ROBO2: variants seen among roughly 807,000 people sequenced by gnomAD.
ROBO2 encodes roundabout homolog 2.
A neutral mutation model predicts 160.8 loss-of-function variants in ROBO2; 53 were observed. The observed-to-expected ratio is 0.33, with a 90% CI of 0.26 to 0.41. The LOEUF (loss-of-function observed/expected upper bound fraction) is 0.41, where lower values mean the gene tolerates loss of function less well. Ranked by LOEUF, ROBO2 falls within the 10% of genes least tolerant of loss-of-function variation. The pLI is 1.00. For synonymous variants in ROBO2, 664 were observed against 611.7 expected (o/e 1.09, Z -1.26); for missense variants, 1,577 against 1,722.4 (o/e 0.92, Z 1.49).
chr3:77,164,674 C>T (rs1354592111), intron 2 of ROBO2, among the ~76,000 whole-genome samples: 1 of 116,720 alleles, frequency 8.6e-6, no homozygotes, highest in Admixed American at 8.3e-5. Context: ...GGGGGTCAGC[C>T]CCCCGCCTGG....
chr3:77,257,639 C>G (rs2058508059), intron 2 of ROBO2, among the ~76,000 whole-genome samples: 1 of 152,084 alleles, frequency 6.6e-6, no homozygotes, highest in Admixed American at 6.6e-5. Flanking sequence ...CAGTGAAAAA[C>G]CCTTTGCACA....
chr3:77,016,137 T>C (rs1020680029), intron 2 of ROBO2, among the ~76,000 whole-genome samples: 5 of 151,786 alleles, frequency 3.3e-5, no homozygotes, highest in Non-Finnish European at 7.4e-5. Context: ...CCACCACGCC[T>C]GGCTAATTTT....
intron 1 of ROBO2, among the ~76,000 whole-genome samples, chr3:77,089,240 A>G (rs1026975925): frequency 1.3e-5 from 2 of 152,200 alleles, no homozygotes; most frequent in Non-Finnish European, 2.9e-5. Context: ...TAAGACAAGT[A>G]TATCCTTCTA....
intron 2 of ROBO2, among the ~76,000 whole-genome samples, chr3:77,424,603 A>G (rs1451284279): frequency 6.6e-6 from 1 of 152,200 alleles, no homozygotes; most frequent in Non-Finnish European, 1.5e-5. Context: ...ATATATTTCT[A>G]ATTTACTGAA....
chr3:77,142,966 C>T lies in ROBO2; in HGVS notation c.388+44626C>T, dbSNP rs552266592. On this transcript the variant is annotated intron_variant, in intron 2 of 25. Transcript: ENST00000461745. ...TGGCACTCAGCAGTCACTCTGTCAA[C>T]GGAAAACAAAATGAATAAGGCCGGG... Among the ~76,000 whole-genome samples the T allele has an allele frequency of 2.4e-3, 358 of 151,860 alleles. 2 individuals carry two copies. Among genetic ancestry groups the T allele is most frequent in the African/African-American group, 7.3e-3 (302 of 41,256 alleles).
In ROBO2 at chr3:76,834,175, C is replaced by CTTTCTTTCTT. The variant is rs1559575742; in HGVS notation, c.110-263838_110-263837insTTCTTTCTTT. 7.6e-5 allele frequency among the ~76,000 whole-genome samples: 7 copies of CTTTCTTTCTT among 92,164 alleles called. No homozygotes were observed. The East Asian group carries it at 2.1e-3, about 28-fold the overall frequency. 60.5% of individuals were successfully genotyped at this position (92,164 alleles called of 152,430 possible). The stretch of plus-strand genomic sequence containing the variant: ...TCTTTCTCTCTCTTTCTTTCTTTCT[C>CTTTCTTTCTT]TCTCTCTCTCTCTCTTTCTTTCTTT... On this transcript the variant is annotated intron_variant, in intron 2 of 26. Coordinates refer to the ROBO2 transcript ENST00000487694.
chr3:77,156,114 T>C (rs1309038967), intron 2 of ROBO2, among the ~76,000 whole-genome samples: 2 of 151,982 alleles, frequency 1.3e-5, no homozygotes, highest in African/African-American at 4.8e-5. Flanking sequence ...TCTTAAAATT[T>C]CTTCATCTCA....
At chr3:76,567,729 A>G (rs2108559702) in intron 2 of ROBO2, among the ~76,000 whole-genome samples, 1 of 117,094 alleles carries the variant, frequency 8.5e-6, no homozygotes, top group South Asian at 2.8e-4. Context: ...ATATGTCAGT[A>G]TATATATACT....
rs1024969180 is a variant in ROBO2 at position 76,568,541 on chromosome 3, C to T, written c.110-529473C>T. Among the ~76,000 whole-genome samples, 4 of 151,020 alleles carry T rather than the reference C, an allele frequency of 2.6e-5. No homozygotes were observed. The East Asian group carries it at 6.0e-4, about 22-fold the overall frequency. On this transcript the variant is annotated intron_variant, in intron 2 of 26. Coordinates refer to the ROBO2 transcript ENST00000487694. Reference sequence around the variant, plus strand: ...CAGGATGGTCTCGATCTCCTGACCTCGTGATCCACCCGCCTCGGCCTCCCA... The same window carrying T: ...CAGGATGGTCTCGATCTCCTGACCTTGTGATCCACCCGCCTCGGCCTCCCA...
chr3:77,616,500 G>A (rs936371954), intron 21 of ROBO2, among the ~76,000 whole-genome samples: 6 of 152,234 alleles, frequency 3.9e-5, no homozygotes, highest in East Asian at 3.9e-4. Context: ...TGATGATACC[G>A]GAAGAGTAGG....
chr3:76,918,819 G>A (rs548143700), intron 2 of ROBO2, among the ~76,000 whole-genome samples: 18 of 152,130 alleles, frequency 1.2e-4, no homozygotes, highest in South Asian at 4.2e-4. Context: ...CCACATCCTC[G>A]CCAGCATTGG....
chr3:76,161,659 C>G (rs556677468), intron 2 of ROBO2, among the ~76,000 whole-genome samples: 84 of 152,190 alleles, frequency 5.5e-4, no homozygotes, highest in Admixed American at 1.0e-3. Context: ...TCCTGAGTCC[C>G]TCAGGCATAT....
At chr3:77,590,320 A>G (rs905577200) in intron 17 of ROBO2, among the ~76,000 whole-genome samples, 2 of 152,026 alleles carry the variant, frequency 1.3e-5, no homozygotes, top group African/African-American at 2.4e-5. Flanking sequence ...ATAATTTGTC[A>G]CCCAAGTGCT....
At chr3:76,699,706 G>C (rs890030610) in intron 2 of ROBO2, among the ~76,000 whole-genome samples, 8 of 152,072 alleles carry the variant, frequency 5.3e-5, no homozygotes, top group African/African-American at 1.9e-4. Flanking sequence ...TTATAGCCCT[G>C]AACCATTGAT....
chr3:77,622,104 T>C, intron 22 of ROBO2, 123 bp from the exon 24 acceptor site: 6 of 837,118 alleles, frequency 7.2e-6, no homozygotes, highest in Non-Finnish European at 1.1e-5. Context: ...TATGAACTCC[T>C]AAATTAGTTA....
At chr3:76,288,680 C>T (rs1347053176) in intron 2 of ROBO2, among the ~76,000 whole-genome samples, 3 of 152,004 alleles carry the variant, frequency 2.0e-5, no homozygotes, top group Admixed American at 6.6e-5. Context: ...CTATTGTTCC[C>T]GTGTTTGTGT....
intron 2 of ROBO2, among the ~76,000 whole-genome samples, chr3:76,936,206 T>TA (rs373744680): frequency 3.6e-3 from 540 of 148,718 alleles, no homozygotes; most frequent in South Asian, 0.012. Flanking sequence ...ATGGTTTCAT[T>TA]AAAAAAAAAA....
chr3:76,135,308 A>C (rs2071389040), intron 2 of ROBO2, among the ~76,000 whole-genome samples: 1 of 152,074 alleles, frequency 6.6e-6, no homozygotes, highest in South Asian at 2.1e-4. Flanking sequence ...GTACTGATAG[A>C]GGGCCCCCTT....
intron 2 of ROBO2, among the ~76,000 whole-genome samples, chr3:77,209,401 C>T (rs888751176): frequency 6.6e-6 from 1 of 152,020 alleles, no homozygotes; most frequent in African/African-American, 2.4e-5. Flanking sequence ...TTTACTTTTG[C>T]AATGCCATCT....
Sources: gnomAD v4.1 joint callset for allele counts (sites outside exome capture counted in the v4.1 genomes callset) on GRCh38, gnomAD v4.1.1 for gene constraint, MANE v1.5 for transcripts, NCBI Gene and HGNC (gene_info 2026-07-23, HGNC 2026-07-21) for gene names.